The following CNOT4 variants were observed in gnomAD, a reference collection of about 807,000 sequenced individuals.
The protein encoded by CNOT4 is CCR4-NOT transcription complex subunit 4, also known as CCR4-associated factor 4.
In CNOT4, 8 loss-of-function variants were observed where a neutral mutation model predicts 73.8. That is an observed-to-expected ratio of 0.11 (90% CI 0.06 to 0.20). The LOEUF (loss-of-function observed/expected upper bound fraction) is 0.20. Among genes scored for constraint, CNOT4 ranks in the 10% least tolerant of loss-of-function variants. CNOT4 has a pLI of 1.00. For synonymous variants in CNOT4, 293 were observed against 321.1 expected, an observed-to-expected ratio of 0.91 and a Z score of 0.94; for missense variants, 564 against 883.4, an observed-to-expected ratio of 0.64 and a Z score of 4.58.
chr7:135,413,172 A>C (rs887108068), intron 6 of CNOT4, among the ~76,000 whole-genome samples: 2 of 151,976 alleles, frequency 1.3e-5, no homozygotes, highest in African/African-American at 4.8e-5. Flanking sequence ...TTCCTGGTCA[A>C]CTAAGTTCTG....
In CNOT4 at chr7:135,415,171, G is replaced by A; in HGVS notation, c.459+5C>T. On this transcript the variant is annotated splice_donor_5th_base_variant and intron_variant, in intron 4 of 11. Transcript: ENST00000541284. ...GGAAAAGCAAAAATCCCTAAAATTAGTTACCTGTGAGCCTGCATATGATGT... is the reference window on the plus strand; with the variant it reads ...GGAAAAGCAAAAATCCCTAAAATTAATTACCTGTGAGCCTGCATATGATGT... 1 of 1,569,126 alleles carries A rather than the reference G, an allele frequency of 6.4e-7. No homozygotes were observed. Among genetic ancestry groups the A allele is most frequent in the South Asian group, 1.1e-5 (1 of 89,704 alleles).
intron 1 of CNOT4, among the ~76,000 whole-genome samples, chr7:135,495,687 A>AG (rs1803474251): frequency 1.5e-3 from 96 of 65,682 alleles, no homozygotes; most frequent in African/African-American, 4.5e-3. Flanking sequence ...AAAAAAAAAA[A>AG]AAAAAAGAAA....
chr7:135,416,242 T>C (rs762018530), intron 3 of CNOT4, among the ~76,000 whole-genome samples: 1 of 152,342 alleles, frequency 6.6e-6, no homozygotes, highest in East Asian at 1.9e-4. Flanking sequence ...TACAGACTTA[T>C]AATTTAGCTA....
chr7:135,449,653 G>A (rs993969520), intron 1 of CNOT4, among the ~76,000 whole-genome samples: 3 of 152,142 alleles, frequency 2.0e-5, no homozygotes, highest in Non-Finnish European at 4.4e-5. Context: ...AAGATATGAA[G>A]AGAAAATTAC....
intron 2 of CNOT4, among the ~76,000 whole-genome samples, chr7:135,436,567 T>G (rs1799168125): frequency 6.6e-6 from 1 of 151,718 alleles, no homozygotes; most frequent in African/African-American, 2.4e-5. Flanking sequence ...AAGCTAATGT[T>G]AGGGTTTTCA....
chr7:135,501,401 A>G (rs539818242), intron 1 of CNOT4, among the ~76,000 whole-genome samples: 35 of 152,284 alleles, frequency 2.3e-4, no homozygotes, highest in African/African-American at 7.9e-4. Context: ...ACATTTCCTC[A>G]GTTCTCTACT....
intron 10 of CNOT4, among the ~76,000 whole-genome samples, chr7:135,381,828 G>C (rs925754042): frequency 2.0e-4 from 30 of 151,862 alleles, no homozygotes; most frequent in African/African-American, 6.3e-4. Flanking sequence ...TGCATTAAAG[G>C]CTTTATAAAT....
At chr7:135,438,029 A>G (rs1799263859) in intron 2 of CNOT4, 129 bp downstream of exon 2, 2 of 526,510 alleles carry the variant, frequency 3.8e-6, no homozygotes, top group Non-Finnish European at 6.7e-6. Context: ...TCTTAAAATA[A>G]TACACATAAT....
At chr7:135,399,718 G>A (rs1796902719) in intron 7 of CNOT4, among the ~76,000 whole-genome samples, 1 of 152,080 alleles carries the variant, frequency 6.6e-6, no homozygotes, top group Admixed American at 6.5e-5. Flanking sequence ...AATCCCAGGT[G>A]CATCTTCTGC....
At chr7:135,459,861 T>C (rs1036055479) in intron 1 of CNOT4, among the ~76,000 whole-genome samples, 4 of 152,220 alleles carry the variant, frequency 2.6e-5, no homozygotes, top group Non-Finnish European at 4.4e-5. Flanking sequence ...TTCACCTACA[T>C]TGAAAATCTG....
In CNOT4 at chr7:135,506,716, C is replaced by T. The variant is rs28488267; in HGVS notation, c.-93+3173G>A. ...TACAAAACTTAGCCGGGCATGGTGG[C>T]ACACGCCTGTAATCCCAGCTACTCA... On this transcript the variant is annotated intron_variant, in intron 1 of 11. Coordinates refer to ENST00000541284, the MANE Select transcript of CNOT4 (RefSeq NM_001190850.2). Among the ~76,000 whole-genome samples, 1,366 of 152,094 alleles carry T rather than the reference C, an allele frequency of 9.0e-3. 22 individuals carry two copies. The highest frequency in any genetic ancestry group is 0.031 in the African/African-American group (1,300 of 41,476).
In CNOT4 at chr7:135,501,069, C is replaced by T. The variant is rs145627017; in HGVS notation, c.-93+8820G>A. On this transcript the variant is annotated intron_variant, in intron 1 of 11. Coordinates refer to ENST00000541284, the MANE Select transcript of CNOT4 (RefSeq NM_001190850.2). ...TGCCATCTTGGCTCACTGCAACCTC[C>T]GCCTCCCGGGTTCAAGCAATTATCC... is the stretch of plus-strand genomic sequence containing the variant. Among the ~76,000 whole-genome samples the T allele has an allele frequency of 5.1e-3, 773 of 151,456 alleles. 12 individuals carry two copies. Among genetic ancestry groups the T allele is most frequent in the African/African-American group, 0.018 (736 of 41,284 alleles).
In CNOT4 at chr7:135,453,513, T is replaced by C. The variant is rs937230018; in HGVS notation, c.-92-15090A>G. Among the ~76,000 whole-genome samples, 7 of 151,744 alleles carry C rather than the reference T, an allele frequency of 4.6e-5. No individual in the cohort carries two copies. In the South Asian group the frequency reaches 6.2e-4, roughly 14 times the overall value. The stretch of plus-strand genomic sequence containing the variant: ...CTGCAGTTTTACTTCATGGAAAGCA[T>C]TGATTCATATGGAAGTCCAACCTTT... On this transcript the variant is annotated intron_variant, in intron 1 of 11. Transcript: ENST00000541284.
intron 2 of CNOT4, among the ~76,000 whole-genome samples, chr7:135,424,724 G>A (rs538178430): frequency 2.2e-4 from 33 of 152,262 alleles, no homozygotes; most frequent in African/African-American, 7.7e-4. Context: ...GGGAGGCAGA[G>A]GTTGCAGTGA....
intron 3 of CNOT4, among the ~76,000 whole-genome samples, chr7:135,421,849 A>G (rs1798212016): frequency 6.6e-6 from 1 of 152,226 alleles, no homozygotes; most frequent in African/African-American, 2.4e-5. Flanking sequence ...TTCATATCAC[A>G]TGTTAGCCTT....
intron 1 of CNOT4, among the ~76,000 whole-genome samples, chr7:135,471,840 T>C (rs958897214): frequency 6.6e-6 from 1 of 152,052 alleles, no homozygotes; most frequent in Non-Finnish European, 1.5e-5. Flanking sequence ...TAGCGGAGAG[T>C]TGGAAGGCAT....
chr7:135,406,862 G>A (rs1044536836), intron 7 of CNOT4, among the ~76,000 whole-genome samples: 5 of 152,124 alleles, frequency 3.3e-5, no homozygotes, highest in African/African-American at 7.2e-5. Flanking sequence ...TAAAGGCAAA[G>A]TCAATAAAAT....
chr7:135,420,012 A>G (rs1188073111), intron 3 of CNOT4, among the ~76,000 whole-genome samples: 39 of 149,304 alleles, frequency 2.6e-4, no homozygotes, highest in Non-Finnish European at 7.4e-5. Context: ...GAGATTGTGC[A>G]CTGCACTCCA....
intron 1 of CNOT4, among the ~76,000 whole-genome samples, chr7:135,470,653 T>C (rs1039186474): frequency 6.6e-6 from 1 of 151,386 alleles, no homozygotes; most frequent in African/African-American, 2.4e-5. Context: ...GAATACTAAA[T>C]ACTACTCGTC....
Sources: allele counts gnomAD v4.1 joint callset (sites outside exome capture counted in the v4.1 genomes callset), GRCh38; gene constraint gnomAD v4.1.1; transcripts MANE v1.5; gene names NCBI Gene and HGNC (gene_info 2026-07-23, HGNC 2026-07-21).